Variants in MGST2 observed in about 807,000 individuals in gnomAD.
The protein encoded by MGST2 is glutathione peroxidase MGST2.
A neutral mutation model predicts 16.6 loss-of-function variants in MGST2; 9 were observed. The observed-to-expected ratio is 0.54, with a 90% CI of 0.33 to 0.95. The LOEUF is 0.95. MGST2 is among the 40% of genes least tolerant of loss of function. MGST2 has a pLI of 0.03. For missense variants in MGST2, 159 were observed against 175.1 expected, an observed-to-expected ratio of 0.91 and a Z score of 0.52; for synonymous variants, 79 against 68.0, an observed-to-expected ratio of 1.16 and a Z score of -0.79.
chr4:139,745,325 C>T (rs770649574), downstream of MGST2, among the ~76,000 whole-genome samples: 32 of 152,162 alleles, frequency 2.1e-4, no homozygotes, highest in East Asian at 2.7e-3. Flanking sequence ...AGGGAATAAA[C>T]GCTAAATGCA....
At chr4:139,734,921 A>G (rs369049851) in intron 5 of MGST2, among the ~76,000 whole-genome samples, 174 of 152,306 alleles carry the variant, frequency 1.1e-3, no homozygotes, top group African/African-American at 4.0e-3. Flanking sequence ...AGCCTTTTCC[A>G]GGCGTCCCTC....
rs943332550 is a variant in MGST2, at chr4:139,724,144, C to T, written c.*49-16068C>T. On this transcript the variant is annotated intron_variant, in intron 5 of 5. Transcript: ENST00000616265. ...GATAACTCAATTCCTTTTGTCCTTC[C>T]CTGTGTCAAGGCCAAAGGATCTAAT... 2.0e-5 allele frequency among the ~76,000 whole-genome samples: 3 copies of T among 152,148 alleles called. No individual in the cohort carries two copies. In the East Asian group the frequency reaches 5.8e-4, roughly 29 times the overall value.
intron 5 of MGST2, chr4:139,730,352 G>A (rs1410125169): frequency 4.2e-6 from 6 of 1,422,676 alleles, no homozygotes; most frequent in Non-Finnish European, 4.8e-6. Flanking sequence ...CTCACAGGCA[G>A]CAGGCAGGTG....
chr4:139,709,216 G>A (rs1348059401), downstream of MGST2, among the ~76,000 whole-genome samples: 1 of 151,194 alleles, frequency 6.6e-6, no homozygotes, highest in Non-Finnish European at 1.5e-5. Flanking sequence ...CCAAGTAGCT[G>A]GGACTAGAGG....
downstream of MGST2, among the ~76,000 whole-genome samples, chr4:139,704,771 A>T (rs1003991944): frequency 2.0e-5 from 3 of 152,080 alleles, no homozygotes; most frequent in Admixed American, 2.0e-4. Flanking sequence ...AGATACAAAA[A>T]ATTAGCCGGG....
At chr4:139,718,021 C>G (rs115457956) in intron 5 of MGST2, 14 of 152,236 alleles carry the variant, frequency 9.2e-5, no homozygotes, top group Non-Finnish European at 2.1e-4. Flanking sequence ...TTTAGCTCCT[C>G]CACCTCTCTG....
At chr4:139,698,413 C>T in intron 3 of MGST2, 2 of 1,544,958 alleles carry the variant, frequency 1.3e-6, no homozygotes, top group South Asian at 1.1e-5. Flanking sequence ...TCACGGAGCG[C>T]CACAGTACCA....
rs762492535 is a variant in MGST2 at position 139,719,526 on chromosome 4, T to G, written c.*48+15330T>G. The G allele has an allele frequency of 1.2e-5, 20 of 1,613,950 alleles. No individual in the cohort carries two copies. The South Asian group carries it at 2.2e-4, about 18-fold the overall frequency. ...TGGCTGCTTGGAGCAAAGCTGCCAC[T>G]GGGTATCTGCTGCTGTGCTGGGGGC... On this transcript the variant is annotated intron_variant, in intron 5 of 5. Transcript: ENST00000616265.
the MGST2 span, among the ~76,000 whole-genome samples, chr4:139,753,609 C>T: frequency 6.6e-6 from 1 of 152,116 alleles, no homozygotes; most frequent in African/African-American, 2.4e-5. Context: ...GGAAAAATAT[C>T]TGTATTAGGG....
chr4:139,730,763 T>A (rs1728674283), intron 5 of MGST2: 1 of 1,153,248 alleles, frequency 8.7e-7, no homozygotes, highest in Non-Finnish European at 1.2e-6. Context: ...GGGGCAGAAG[T>A]CCCAGCTTAT....
At chr4:139,667,166 C>T (rs954877753) in intron 1 of MGST2, among the ~76,000 whole-genome samples, 8 of 150,600 alleles carry the variant, frequency 5.3e-5, no homozygotes, top group African/African-American at 2.0e-4. Flanking sequence ...GGGGCTGCCA[C>T]GTGGTAGAAG....
intron 5 of MGST2, chr4:139,717,067 C>T (rs764295945): frequency 2.0e-5 from 3 of 152,290 alleles, no homozygotes; most frequent in African/African-American, 7.3e-5. Flanking sequence ...ATATTTTTTA[C>T]AGATAGTAGA....
intron 2 of MGST2, among the ~76,000 whole-genome samples, chr4:139,681,070 A>G (rs1731217145): frequency 6.6e-6 from 1 of 152,010 alleles, no homozygotes. Flanking sequence ...TGGCTGAAGT[A>G]CAGTGGCACA....
At chr4:139,720,670 C>A (rs1049006599) in intron 5 of MGST2, among the ~76,000 whole-genome samples, 1 of 152,206 alleles carries the variant, frequency 6.6e-6, no homozygotes, top group Non-Finnish European at 1.5e-5. Context: ...CTAAACAGAT[C>A]CTGATGTAAT....
the MGST2 span, among the ~76,000 whole-genome samples, chr4:139,748,053 TAAAAAA>T: frequency 2.1e-5 from 2 of 95,532 alleles, no homozygotes; most frequent in South Asian, 7.9e-4. Flanking sequence ...AGACTTCGTC[TAAAAAA>T]AAAAAAAAAA....
At chr4:139,699,872 T>A (rs1727141799) in intron 3 of MGST2, among the ~76,000 whole-genome samples, 1 of 152,012 alleles carries the variant, frequency 6.6e-6, no homozygotes, top group Non-Finnish European at 1.5e-5. Context: ...ACCCTGTGTC[T>A]ACAAAATTTT....
rs957293216 is a variant in MGST2, at chr4:139,730,735, C to G, written c.*49-9477C>G. On this transcript the variant is annotated intron_variant, in intron 5 of 5. Transcript: ENST00000616265. ...AGACTCACTGCTGTTTGAAGGGAAGCCCCTGGAAAAAGGGAACGGGGCAGA... is the reference window on the plus strand; with the variant it reads ...AGACTCACTGCTGTTTGAAGGGAAGGCCCTGGAAAAAGGGAACGGGGCAGA... The G allele has an allele frequency of 5.7e-5, 83 of 1,455,668 alleles. No homozygotes were observed. In the African/African-American group the frequency reaches 9.3e-4, roughly 16 times the overall value. 90.2% of individuals were successfully genotyped at this position (1,455,668 alleles called of 1,614,324 possible).
intron 1 of MGST2, among the ~76,000 whole-genome samples, chr4:139,667,697 A>T (rs2110777858): frequency 6.6e-6 from 1 of 152,180 alleles, no homozygotes; most frequent in Middle Eastern, 3.4e-3. Context: ...GTCTCTACTT[A>T]AAATACACAA....
rs1249637446 is a variant in MGST2 at position 139,733,726 on chromosome 4, C to T, written c.*49-6486C>T. On this transcript the variant is annotated intron_variant, in intron 5 of 5. Transcript: ENST00000616265. ...TAGAGACAGGGTTTCACTCCGTTGC[C>T]CAGGCTGGGGTGCAGTGGTATGATC... 3.9e-5 allele frequency among the ~76,000 whole-genome samples: 6 copies of T among 152,118 alleles called. No homozygotes were observed. In the East Asian group the frequency reaches 5.8e-4, roughly 15 times the overall value.
Sources: gnomAD v4.1 joint callset for allele counts (sites outside exome capture counted in the v4.1 genomes callset) on GRCh38, gnomAD v4.1.1 for gene constraint, MANE v1.5 for transcripts, NCBI Gene and HGNC (gene_info 2026-07-23, HGNC 2026-07-21) for gene names.